CALR: variants seen among roughly 807,000 people sequenced by gnomAD.
CALR encodes the protein calreticulin, also known as CRP55.
In CALR, 15 loss-of-function variants were observed where a neutral mutation model predicts 51.1. The observed-to-expected ratio is 0.29, with a 90% confidence interval of 0.20 to 0.45. The LOEUF (loss-of-function observed/expected upper bound fraction) is 0.45. CALR is among the 20% of genes least tolerant of loss of function. The pLI, the probability that CALR is intolerant of heterozygous loss-of-function variation, is 1.00. For missense variants in CALR, 477 were observed against 530.6 expected, an observed-to-expected ratio of 0.90 and a Z score of 0.99; for synonymous variants, 239 against 205.9, an observed-to-expected ratio of 1.16 and a Z score of -1.38.
intron 1 of CALR, 110 bp downstream of exon 1, chr19:12,938,880 C>A: frequency 1.1e-6 from 1 of 908,902 alleles, no homozygotes; most frequent in Non-Finnish European, 1.8e-6. Flanking sequence ...CGGTGGCCTC[C>A]CGGGACTAGA....
rs907209286 is a variant in CALR, at chr19:12,944,441, A to C, written c.*528A>C. 2 of 192,086 alleles carry C rather than the reference A, an allele frequency of 1.0e-5. No homozygotes were observed. Among genetic ancestry groups the C allele is most frequent in the African/African-American group, 4.7e-5 (2 of 42,388 alleles). The allele number at this position is 192,086 out of a possible 1,614,324, so 11.9% of individuals were successfully genotyped here. ...GGGTCCCAGATTGGCTCACACTGAG[A>C]ATGTAAGAACTACAAACAAAATTTC... On this transcript the variant is annotated 3_prime_UTR_variant, in exon 9 of 9. Transcript: ENST00000316448.
chr19:12,940,702 A>G, intron 6 of CALR, 42 bp from the exon 7 acceptor site: 1 of 1,614,092 alleles, frequency 6.2e-7, no homozygotes, highest in Non-Finnish European at 8.5e-7. Context: ...TGGGGAGTGC[A>G]CCAACCTTAC....
At chr19:12,939,873 T>TC (rs1971521938) in intron 3 of CALR, among the ~76,000 whole-genome samples, 180 bp from the exon 4 acceptor site, 1 of 151,554 alleles carries the variant, frequency 6.6e-6, no homozygotes, top group Non-Finnish European at 1.5e-5. Flanking sequence ...TTTTTTTTTT[T>TC]CTCCTTTAAA....
At position 12,940,077 on chromosome 19, in the gene CALR, C is replaced by G; in HGVS notation, c.422C>G (p.Thr141Ser). 6.2e-7 allele frequency: 1 copy of G among 1,613,968 alleles called. No individual in the cohort carries two copies. Among genetic ancestry groups the G allele is most frequent in the Non-Finnish European group, 8.5e-7 (1 of 1,179,870 alleles). Residue 141 changes from threonine to serine, a missense_variant, in exon 4 of 9, where the codon ACC (threonine) becomes AGC (serine). Physicochemically the swap from Thr to Ser is moderately conservative, Grantham distance 58. Coordinates refer to ENST00000316448, the MANE Select transcript of CALR (RefSeq NM_004343.4). Reference sequence around the variant, plus strand: ...GGTCCCGACATCTGTGGCCCTGGCACCAAGAAGGTTCATGTCATCTTCAAC... The same window carrying G: ...GGTCCCGACATCTGTGGCCCTGGCAGCAAGAAGGTTCATGTCATCTTCAAC... ...MFGPDICGPG[T>S]KKVHVIFNYK... is the part of the protein sequence containing the mutation.
chr19:12,939,766 T>C, intron 3 of CALR, 135 bp downstream of exon 3: 3 of 809,946 alleles, frequency 3.7e-6, no homozygotes, highest in Non-Finnish European at 6.5e-6. Flanking sequence ...TTTATTGCAT[T>C]ATGATCGCAG....
Position 12,938,640 on chromosome 19 carries a change from G to C in CALR, c.-40G>C. ...ACTGCAGAGCCGCTGCCGGAGGGTC[G>C]TTTTAAAGGGCCCGCGCGTTGCCGC... is the stretch of plus-strand genomic sequence containing the variant. On this transcript the variant is annotated 5_prime_UTR_variant, in exon 1 of 9. Transcript: ENST00000316448. The C allele has an allele frequency of 6.5e-7, 1 of 1,529,708 alleles. No homozygotes were observed. Among genetic ancestry groups the C allele is most frequent in the Admixed American group, 1.8e-5 (1 of 55,248 alleles). The allele number at this position is 1,529,708 out of a possible 1,614,324, so 94.8% of individuals were successfully genotyped here. A position where few individuals can be genotyped will look rare whatever the true frequency, so the allele number is the denominator to read the frequency against.
rs758470813 is a variant in CALR at position 12,940,573 on chromosome 19, T to A, written c.735T>A (p.Pro245=). ...DWDKPEHIPD[P]DAKKPEDWDE... is the part of the protein sequence containing the mutation. ...ACAAGCCCGAGCATATCCCTGACCC[T>A]GATGCTAAGAAGCCCGAGGACTGGG... Residue 245 remains proline, a synonymous_variant, in exon 6 of 9, where the codon CCT becomes CCA. Coordinates refer to ENST00000316448, the MANE Select transcript of CALR (RefSeq NM_004343.4). 3.2e-5 allele frequency: 51 copies of A among 1,614,132 alleles called. No individual in the cohort carries two copies. The highest frequency in any genetic ancestry group is 4.3e-5 in the Non-Finnish European group (51 of 1,180,018).
Position 12,940,432 on chromosome 19 carries a change from C to A in CALR, c.682C>A (p.Pro228Thr). Reference sequence around the variant, plus strand: ...GGATGAGCGGGCCAAGATCGATGATCCCACAGACTCCAAGCCTGAGGTTGG... The same window carrying A: ...GGATGAGCGGGCCAAGATCGATGATACCACAGACTCCAAGCCTGAGGTTGG... The part of the protein sequence containing the change: ...DWDERAKIDD[P>T]TDSKPEDWDK... The change falls in exon 5 of 9, where the codon CCC becomes ACC. Residue 228 changes from proline (P) to threonine (T), a missense_variant. Physicochemically the swap from Pro to Thr is conservative, Grantham distance 38 (BLOSUM62 -1). Coordinates refer to ENST00000316448, the MANE Select transcript of CALR (RefSeq NM_004343.4). 6.2e-7 allele frequency: 1 copy of A among 1,614,154 alleles called. No homozygotes were observed.
At chr19:12,943,400 G>A in intron 7 of CALR, 137 bp from the exon 8 acceptor site, 2 of 781,890 alleles carry the variant, frequency 2.6e-6, no homozygotes, top group South Asian at 1.5e-5. Flanking sequence ...TTTAACTGCA[G>A]TGTCAGCGGT....
intron 5 of CALR, 21 bp from the exon 6 acceptor site, chr19:12,940,520 A>G: frequency 6.2e-7 from 1 of 1,613,676 alleles, no homozygotes; most frequent in Non-Finnish European, 8.5e-7. Context: ...GCCAACTCTG[A>G]TCTCTTCATC....
At position 12,944,089 on chromosome 19, in the gene CALR, CTTTTTT is replaced by C; in HGVS notation, c.*189_*194del. On this transcript the variant is annotated 3_prime_UTR_variant, in exon 9 of 9. Transcript: ENST00000316448. ...CACTCTCCCCCACCCCCTCCCCGCC[CTTTTTT>C]TTTTTTTTTTTTAAACTGGTATTTT... The C allele has an allele frequency of 6.1e-6, 4 of 651,914 alleles. No homozygotes were observed. The highest frequency in any genetic ancestry group is 2.1e-5 in the South Asian group (1 of 46,946). 40.4% of individuals were successfully genotyped at this position (651,914 alleles called of 1,614,324 possible).
rs369547041 is a variant in CALR at position 12,940,387 on chromosome 19, G to A, written c.637G>A (p.Ala213Thr). The A allele has an allele frequency of 1.2e-6, 2 of 1,614,072 alleles. No homozygotes were observed. The highest frequency in any genetic ancestry group is 1.7e-6 in the Non-Finnish European group (2 of 1,180,046). ...LPPKKIKDPD[A>T]SKPEDWDERA... is the part of the protein sequence containing the mutation. ...ACCCAAGAAGATAAAGGATCCTGAT[G>A]CTTCAAAACCGGAAGACTGGGATGA... Residue 213 changes from alanine to threonine, a missense_variant, in exon 5 of 9, where the codon GCT (alanine) becomes ACT (threonine). Transcript: ENST00000316448.
At position 12,940,150 on chromosome 19, in the gene CALR, G is replaced by A. The variant is rs376144437; in HGVS notation, c.492+3G>A. On this transcript the variant is annotated splice_donor_region_variant and intron_variant, in intron 4 of 8. Coordinates refer to ENST00000316448, the MANE Select transcript of CALR (RefSeq NM_004343.4). ...TCAACAAGGACATCCGTTGCAAGGTGTGCCTGGGGGTGGTGGCAAATGGCT... is the reference window on the plus strand; with the variant it reads ...TCAACAAGGACATCCGTTGCAAGGTATGCCTGGGGGTGGTGGCAAATGGCT... 6 of 1,613,498 alleles carry A rather than the reference G, an allele frequency of 3.7e-6. No homozygotes were observed. Among genetic ancestry groups the A allele is most frequent in the Non-Finnish European group, 4.2e-6 (5 of 1,179,488 alleles).
chr19:12,939,965 G>A (rs1599659733), intron 3 of CALR, 88 bp from the exon 4 acceptor site: 1 of 962,768 alleles, frequency 1.0e-6, no homozygotes, highest in Non-Finnish European at 1.7e-6. Flanking sequence ...CCGAGTTGAA[G>A]AACCAGGTCT....
chr19:12,943,033 G>A (rs1019959608), intron 7 of CALR, among the ~76,000 whole-genome samples: 2 of 150,876 alleles, frequency 1.3e-5, no homozygotes, highest in Non-Finnish European at 2.9e-5. Flanking sequence ...TGGGATTACA[G>A]GCATGAGCCC....
In CALR at chr19:12,940,276, G is replaced by A. The variant is rs11547569; in HGVS notation, c.526G>A (p.Val176Met). 1 of 1,614,196 alleles carries A rather than the reference G, an allele frequency of 6.2e-7. No individual in the cohort carries two copies. The highest frequency in any genetic ancestry group is 8.5e-7 in the Non-Finnish European group (1 of 1,180,042). The change falls in exon 5 of 9, where the codon GTG (valine) becomes ATG (methionine). Residue 176 changes from valine to methionine, a missense_variant. Coordinates refer to ENST00000316448, the MANE Select transcript of CALR (RefSeq NM_004343.4). ...DEFTHLYTLI[V>M]RPDNTYEVKI... is the part of the protein sequence containing the mutation. The stretch of plus-strand genomic sequence containing the variant: ...GTTTACACACCTGTACACACTGATT[G>A]TGCGGCCAGACAACACCTATGAGGT...
At chr19:12,941,424 T>G (rs1971544447) in intron 7 of CALR, among the ~76,000 whole-genome samples, 1 of 150,988 alleles carries the variant, frequency 6.6e-6, no homozygotes, top group African/African-American at 2.4e-5. Context: ...GCCTCCGGAG[T>G]AGCTGGGATT....
Position 12,939,544 on chromosome 19 carries a change from G to A in CALR, c.310G>A (p.Asp104Asn). 6.2e-7 allele frequency: 1 copy of A among 1,613,980 alleles called. No homozygotes were observed. Among genetic ancestry groups the A allele is most frequent in the Middle Eastern group, 1.7e-4 (1 of 5,940 alleles). Residue 104 changes from aspartate to asparagine, a missense_variant, in exon 3 of 9, where the codon GAC (aspartate) becomes AAC (asparagine). Physicochemically the swap from Asp to Asn is conservative, Grantham distance 23. Coordinates refer to ENST00000316448, the MANE Select transcript of CALR (RefSeq NM_004343.4). ...CACGGTGAAACATGAGCAGAACATC[G>A]ACTGTGGGGGCGGCTATGTGAAGCT... ...QFTVKHEQNIDCGGGYVKLFP... is the reference protein window; with the variant it reads ...QFTVKHEQNINCGGGYVKLFP...
intron 3 of CALR, 58 bp from the exon 4 acceptor site, chr19:12,939,995 G>A (rs1971523404): frequency 1.7e-6 from 2 of 1,202,808 alleles, no homozygotes; most frequent in Non-Finnish European, 2.5e-6. Flanking sequence ...AAAGAGGGGT[G>A]AGAGCCTCGA....
Sources: allele counts gnomAD v4.1 joint callset (sites outside exome capture counted in the v4.1 genomes callset), GRCh38; gene constraint gnomAD v4.1.1; transcripts MANE v1.5; gene names NCBI Gene and HGNC (gene_info 2026-07-23, HGNC 2026-07-21).